The following ADGRL2 variants were observed in gnomAD, a reference collection of about 807,000 sequenced individuals.
The protein encoded by ADGRL2 is adhesion G protein-coupled receptor L2.
A neutral mutation model predicts 157.4 loss-of-function variants in ADGRL2; 44 were observed. The ratio of observed to expected loss-of-function variants is 0.28; its 90% CI spans 0.22 to 0.36. The LOEUF (loss-of-function observed/expected upper bound fraction) is 0.36, where lower values mean the gene tolerates loss of function less well. Ranked by LOEUF, ADGRL2 falls within the 10% of genes least tolerant of loss-of-function variation. ADGRL2 has a pLI of 1.00. For missense variants in ADGRL2, 1,510 were observed against 1,768.9 expected, an observed-to-expected ratio of 0.85 and a Z score of 2.63; for synonymous variants, 585 against 624.7, an observed-to-expected ratio of 0.94 and a Z score of 0.95.
At chr1:81,481,391 A>C (rs2078383500) in intron 2 of ADGRL2, among the ~76,000 whole-genome samples, 1 of 152,222 alleles carries the variant, frequency 6.6e-6, no homozygotes, top group Admixed American at 6.5e-5. Flanking sequence ...TGCAATAATC[A>C]ACATTCTGTT....
intron 2 of ADGRL2, among the ~76,000 whole-genome samples, chr1:81,486,250 T>A (rs4233113): frequency 0.99 from 150,782 of 152,268 alleles, 74,665 homozygotes; most frequent in Middle Eastern, 1. Context: ...CATAGACATC[T>A]TCTGTTTACA....
At position 81,809,270 on chromosome 1, in the gene ADGRL2, C is replaced by T. The variant is rs145601947; in HGVS notation, c.-101+8202C>T. On this transcript the variant is annotated intron_variant, in intron 1 of 23. Coordinates refer to ENST00000686636, the MANE Select transcript of ADGRL2 (RefSeq NM_001366006.2). Reference sequence around the variant, plus strand: ...AAAAGTCTTTGGAGGACTTTTTTTGCGGTAGATTTAGTACTTTAATAAAAA... The same window carrying T: ...AAAAGTCTTTGGAGGACTTTTTTTGTGGTAGATTTAGTACTTTAATAAAAA... 1.8e-3 allele frequency among the ~76,000 whole-genome samples: 271 copies of T among 151,808 alleles called. 2 individuals carry two copies. Among genetic ancestry groups the T allele is most frequent in the South Asian group, 0.015 (73 of 4,806 alleles).
chr1:81,981,280 G>A lies in ADGRL2; in HGVS notation c.3114-528G>A, dbSNP rs1661603544. ...TCCAAAATTATTTTATTTTGAAGTT[G>A]TTCTCATGTTTTTGTCTCATTTCAG... On this transcript the variant is annotated intron_variant, in intron 18 of 23. Coordinates refer to ENST00000686636, the MANE Select transcript of ADGRL2 (RefSeq NM_001366006.2). 5.4e-5 allele frequency: 10 copies of A among 184,050 alleles called. No individual in the cohort carries two copies. The South Asian group carries it at 1.3e-3, about 23-fold the overall frequency. The allele number at this position is 184,050 out of a possible 1,614,324, so 11.4% of individuals were successfully genotyped here.
chr1:81,360,990 A>T lies in ADGRL2; in HGVS notation c.-302+54481A>T, dbSNP rs1190776694. ...AGATAACAGAGAAATGAAAATGATA[A>T]GAGGAAACTCCCCTCTCCCAGCCCC... On this transcript the variant is annotated intron_variant, in intron 1 of 24. Coordinates refer to the ADGRL2 transcript ENST00000370721. Among the ~76,000 whole-genome samples the T allele has an allele frequency of 4.6e-5, 7 of 151,930 alleles. No homozygotes were observed. The East Asian group carries it at 1.3e-3, about 29-fold the overall frequency.
At chr1:81,945,256 A>G (rs1307483599) in intron 6 of ADGRL2, among the ~76,000 whole-genome samples, 1 of 151,984 alleles carries the variant, frequency 6.6e-6, no homozygotes, top group Non-Finnish European at 1.5e-5. Flanking sequence ...TCTTTATCCT[A>G]TAGGTTTGTC....
chr1:81,707,003 G>A (rs549677148), intron 1 of ADGRL2, among the ~76,000 whole-genome samples: 13 of 152,194 alleles, frequency 8.5e-5, no homozygotes, highest in Middle Eastern at 3.4e-3. Context: ...CCCTAAATTG[G>A]AGGAACAGAA....
intron 2 of ADGRL2, among the ~76,000 whole-genome samples, chr1:81,523,780 C>T (rs1342378590): frequency 1.3e-5 from 2 of 152,012 alleles, no homozygotes; most frequent in Non-Finnish European, 2.9e-5. Context: ...TTTTAAAAAT[C>T]GGGCCTGGTA....
At chr1:81,514,551 C>T (rs1283090738) in intron 2 of ADGRL2, 2 of 152,146 alleles carry the variant, frequency 1.3e-5, no homozygotes, top group Non-Finnish European at 2.9e-5. Flanking sequence ...ACCCACAACA[C>T]ATTTTTTGCG....
intron 2 of ADGRL2, among the ~76,000 whole-genome samples, chr1:81,554,529 A>C (rs17455219): frequency 0.12 from 18,726 of 151,968 alleles, 1,168 homozygotes; most frequent in Non-Finnish European, 0.14. Context: ...AAGAAATGGC[A>C]ATAACTGGTA....
chr1:81,651,483 C>T (rs2082418524), intron 3 of ADGRL2, among the ~76,000 whole-genome samples: 1 of 152,124 alleles, frequency 6.6e-6, no homozygotes, highest in African/African-American at 2.4e-5. Context: ...GCAAAATTTT[C>T]TGCAAACGTA....
chr1:81,858,825 T>A (rs2093295554), intron 2 of ADGRL2, among the ~76,000 whole-genome samples: 1 of 152,196 alleles, frequency 6.6e-6, no homozygotes, highest in African/African-American at 2.4e-5. Context: ...TAATATAAAG[T>A]GCGCCATTTG....
At chr1:81,360,600 C>T (rs1449256859) in intron 1 of ADGRL2, among the ~76,000 whole-genome samples, 1 of 151,818 alleles carries the variant, frequency 6.6e-6, no homozygotes, top group Non-Finnish European at 1.5e-5. Context: ...TGCTTACTTT[C>T]TGTCTATGCC....
chr1:81,351,277 G>A (rs1662866932), intron 1 of ADGRL2, among the ~76,000 whole-genome samples: 1 of 151,024 alleles, frequency 6.6e-6, no homozygotes, highest in South Asian at 2.1e-4. Flanking sequence ...CACTGAAAGT[G>A]TTTTTAAAAC....
chr1:81,878,460 G>C (rs976076543), intron 2 of ADGRL2, among the ~76,000 whole-genome samples: 1 of 151,996 alleles, frequency 6.6e-6, no homozygotes, highest in Non-Finnish European at 1.5e-5. Context: ...AATGAAAAAG[G>C]CATTTTATGT....
chr1:81,643,579 G>A (rs1326632261), intron 3 of ADGRL2, among the ~76,000 whole-genome samples: 1 of 152,108 alleles, frequency 6.6e-6, no homozygotes, highest in Non-Finnish European at 1.5e-5. Context: ...AAAGCTGTGG[G>A]ATTATAAGCG....
intron 2 of ADGRL2, among the ~76,000 whole-genome samples, chr1:81,525,629 C>T (rs1487061773): frequency 6.6e-6 from 1 of 152,148 alleles, no homozygotes; most frequent in Non-Finnish European, 1.5e-5. Context: ...ATAAAGTGTA[C>T]TTTCTGACAT....
chr1:81,432,180 C>T (rs902288055), intron 1 of ADGRL2, among the ~76,000 whole-genome samples: 2 of 152,188 alleles, frequency 1.3e-5, no homozygotes, highest in African/African-American at 2.4e-5. Context: ...TATATTTGGG[C>T]TTACTGCTGA....
chr1:81,801,463 A>G (rs964663667), intron 1 of ADGRL2, among the ~76,000 whole-genome samples: 2 of 152,024 alleles, frequency 1.3e-5, no homozygotes, highest in Non-Finnish European at 2.9e-5. Flanking sequence ...GCTCACACAC[A>G]CGCAGAGGTG....
At chr1:81,754,548 T>C (rs1351630365) in intron 1 of ADGRL2, among the ~76,000 whole-genome samples, 1 of 137,886 alleles carries the variant, frequency 7.3e-6, no homozygotes, top group African/African-American at 2.6e-5. Context: ...TCTTTCCTTC[T>C]TTCTTTCTCT....
Sources: gnomAD v4.1 joint callset for allele counts (sites outside exome capture counted in the v4.1 genomes callset) on GRCh38, gnomAD v4.1.1 for gene constraint, MANE v1.5 for transcripts, NCBI Gene and HGNC (gene_info 2026-07-23, HGNC 2026-07-21) for gene names.